TRAF3: variants seen among roughly 807,000 people sequenced by gnomAD.
The protein encoded by TRAF3 is TNF receptor-associated factor 3.
In TRAF3, 13 loss-of-function variants were observed where a neutral mutation model predicts 62.3. The ratio of observed to expected loss-of-function variants is 0.21; its 90% CI spans 0.14 to 0.33. The LOEUF (loss-of-function observed/expected upper bound fraction) is 0.33. TRAF3 is among the 10% of genes least tolerant of loss of function. TRAF3 has a pLI of 1.00. For synonymous variants in TRAF3, 269 were observed against 283.4 expected, an observed-to-expected ratio of 0.95 and a Z score of 0.51; for missense variants, 440 against 741.8, an observed-to-expected ratio of 0.59 and a Z score of 4.73.
chr14:102,819,936 G>C (rs919509273), intron 1 of TRAF3, among the ~76,000 whole-genome samples: 7 of 152,254 alleles, frequency 4.6e-5, no homozygotes, highest in African/African-American at 1.7e-4. Flanking sequence ...TTGCAGAGAA[G>C]GGATTATGGA....
chr14:102,842,188 G>C (rs910923078), intron 2 of TRAF3, among the ~76,000 whole-genome samples: 1 of 149,958 alleles, frequency 6.7e-6, no homozygotes, highest in African/African-American at 2.5e-5. Flanking sequence ...AGGTTGCAGT[G>C]AGCCGAGATC....
intron 1 of TRAF3, among the ~76,000 whole-genome samples, chr14:102,825,802 C>T (rs1900274211): frequency 6.6e-6 from 1 of 152,230 alleles, no homozygotes; most frequent in East Asian, 1.9e-4. Context: ...CACCTAAATA[C>T]GTCTAGAAGC....
intron 9 of TRAF3, among the ~76,000 whole-genome samples, chr14:102,895,866 C>T (rs768303892): frequency 8.5e-5 from 13 of 152,170 alleles, no homozygotes; most frequent in African/African-American, 1.2e-4. Flanking sequence ...GGCTCTTCTG[C>T]GCTTCCGTGG....
At chr14:102,801,938 C>T (rs1223645391) in intron 1 of TRAF3, among the ~76,000 whole-genome samples, 1 of 149,966 alleles carries the variant, frequency 6.7e-6, no homozygotes, top group Non-Finnish European at 1.5e-5. Flanking sequence ...ATGGCGTGAA[C>T]CCGGGAGGCG....
chr14:102,785,862 G>A (rs987711672), intron 1 of TRAF3, among the ~76,000 whole-genome samples: 18 of 152,176 alleles, frequency 1.2e-4, no homozygotes, highest in African/African-American at 4.3e-4. Flanking sequence ...ACTAGGTCAG[G>A]TCCTTGGGAT....
intron 1 of TRAF3, among the ~76,000 whole-genome samples, chr14:102,798,930 A>G (rs980746383): frequency 5.3e-5 from 8 of 152,168 alleles, no homozygotes; most frequent in African/African-American, 1.9e-4. Flanking sequence ...GAGGCAATAG[A>G]ACAAAAAAAG....
In TRAF3 at chr14:102,905,930, G is replaced by GC. The variant is rs1595418033; in HGVS notation, c.*148dup. ...AGGCGGACGCGTGCCGGCGGGAGGA[G>GC]CCACGCGTGAGCACACCTGACACGT... is the stretch of plus-strand genomic sequence containing the variant. On this transcript the variant is annotated 3_prime_UTR_variant, in exon 12 of 12. Coordinates refer to ENST00000392745, the MANE Select transcript of TRAF3 (RefSeq NM_145725.3). 9.0e-6 allele frequency: 6 copies of GC among 666,556 alleles called. No individual in the cohort carries two copies. The East Asian group carries it at 1.4e-4, about 15-fold the overall frequency. The allele number at this position is 666,556 out of a possible 1,614,324, so 41.3% of individuals were successfully genotyped here.
intron 1 of TRAF3, 113 bp from the exon 2 acceptor site, chr14:102,830,221 A>G (rs1219799503): frequency 3.3e-5 from 5 of 152,352 alleles, no homozygotes; most frequent in Admixed American, 2.6e-4. Flanking sequence ...TAGAATTTAA[A>G]TGTTGAGCTT....
chr14:102,857,329 T>G (rs564621148), intron 2 of TRAF3, among the ~76,000 whole-genome samples: 6 of 152,302 alleles, frequency 3.9e-5, no homozygotes, highest in African/African-American at 1.4e-4. Flanking sequence ...TCCTGAAACA[T>G]AATTTATTTT....
At position 102,897,544 on chromosome 14, in the gene TRAF3, G is replaced by A. The variant is rs543929189; in HGVS notation, c.960+143G>A. On this transcript the variant is annotated intron_variant, in intron 10 of 11. Coordinates refer to ENST00000392745, the MANE Select transcript of TRAF3 (RefSeq NM_145725.3). ...AACTGATTTCTCTGGCCTAAGTGAA[G>A]GCTTAGAAAAGGCAGCTGGACTAGC... The A allele has an allele frequency of 9.2e-6, 11 of 1,191,474 alleles. No homozygotes were observed. The East Asian group carries it at 2.6e-4, about 29-fold the overall frequency. 73.8% of individuals were successfully genotyped at this position (1,191,474 alleles called of 1,614,324 possible).
At chr14:102,860,801 A>G (rs1406962304) in intron 2 of TRAF3, among the ~76,000 whole-genome samples, 1 of 152,260 alleles carries the variant, frequency 6.6e-6, no homozygotes, top group Non-Finnish European at 1.5e-5. Context: ...GAAGGAGCCC[A>G]GAGCAGTAAA....
At chr14:102,798,524 C>T (rs560671833) in intron 1 of TRAF3, among the ~76,000 whole-genome samples, 22 of 152,114 alleles carry the variant, frequency 1.4e-4, no homozygotes, top group Non-Finnish European at 2.9e-4. Flanking sequence ...CCATTAGTTC[C>T]AGCTCCTCAG....
rs1890599401 is a variant in TRAF3, at chr14:102,906,699, G to A, written c.*915G>A. ...ACTTTGGAGTTCTAAACAAAATCCTGTAGGTGTTTGGATTCTGCCCCATGT... is the reference window on the plus strand; with the variant it reads ...ACTTTGGAGTTCTAAACAAAATCCTATAGGTGTTTGGATTCTGCCCCATGT... On this transcript the variant is annotated 3_prime_UTR_variant, in exon 12 of 12. Transcript: ENST00000392745. 1 of 152,222 alleles carries A rather than the reference G, an allele frequency of 6.6e-6. No individual in the cohort carries two copies. The highest frequency in any genetic ancestry group is 2.4e-5 in the African/African-American group (1 of 41,456). 9.4% of individuals were successfully genotyped at this position (152,222 alleles called of 1,614,324 possible).
In TRAF3 at chr14:102,797,174, G is replaced by T. The variant is rs1046852375; in HGVS notation, c.-157+19499G>T. On this transcript the variant is annotated intron_variant, in intron 1 of 11. Coordinates refer to ENST00000392745, the MANE Select transcript of TRAF3 (RefSeq NM_145725.3). ...CATCTTAGAAAATAGATATTGTCTT[G>T]TGTTAAGATGAATCAATATAGTTAC... 2.0e-5 allele frequency among the ~76,000 whole-genome samples: 3 copies of T among 152,172 alleles called. No individual in the cohort carries two copies. The South Asian group carries it at 6.2e-4, about 31-fold the overall frequency.
At chr14:102,834,494 C>G (rs756973496) in intron 2 of TRAF3, among the ~76,000 whole-genome samples, 2 of 151,550 alleles carry the variant, frequency 1.3e-5, no homozygotes, top group South Asian at 2.1e-4. Flanking sequence ...GTCAGGAGAT[C>G]GAGACCACAG....
intron 1 of TRAF3, among the ~76,000 whole-genome samples, chr14:102,811,563 T>G (rs1190292148): frequency 6.7e-6 from 1 of 149,724 alleles, no homozygotes; most frequent in Admixed American, 6.6e-5. Flanking sequence ...TTTTTTTTTT[T>G]TTTTTTTTTT....
At chr14:102,778,188 G>A (rs1476429375) in intron 1 of TRAF3, among the ~76,000 whole-genome samples, 1 of 151,258 alleles carries the variant, frequency 6.6e-6, no homozygotes, top group African/African-American at 2.4e-5. Flanking sequence ...GGCGGGCGGC[G>A]CGGGGGTCCG....
chr14:102,872,074 T>C (rs1237236179), intron 4 of TRAF3, 106 bp downstream of exon 4: 20 of 1,199,750 alleles, frequency 1.7e-5, no homozygotes, highest in Non-Finnish European at 2.3e-5. Context: ...CTCTCAGTTT[T>C]GGCAGCTGAT....
At chr14:102,895,840 T>C (rs953085631) in intron 9 of TRAF3, among the ~76,000 whole-genome samples, 11 of 152,212 alleles carry the variant, frequency 7.2e-5, no homozygotes, top group African/African-American at 2.7e-4. Context: ...TCCCTTTGGC[T>C]GATGTGGGTT....
Sources: gnomAD v4.1 joint callset for allele counts (sites outside exome capture counted in the v4.1 genomes callset) on GRCh38, gnomAD v4.1.1 for gene constraint, MANE v1.5 for transcripts, NCBI Gene and HGNC (gene_info 2026-07-23, HGNC 2026-07-21) for gene names.